MAP2K3: variants seen among roughly 807,000 people sequenced by gnomAD.
The protein encoded by MAP2K3 is dual specificity mitogen-activated protein kinase kinase 3.
Under a neutral mutation model 46.4 loss-of-function variants are expected in MAP2K3, and 30 were observed. That is an observed-to-expected ratio of 0.65 (90% CI 0.48 to 0.88). The LOEUF (loss-of-function observed/expected upper bound fraction) is 0.88. Ranked by LOEUF, MAP2K3 falls within the 40% of genes least tolerant of loss-of-function variation. The pLI, the probability that MAP2K3 is intolerant of heterozygous loss-of-function variation, is 0.00. For synonymous variants in MAP2K3, 189 were observed against 176.3 expected, an observed-to-expected ratio of 1.07 and a Z score of -0.57; for missense variants, 380 against 464.5, an observed-to-expected ratio of 0.82 and a Z score of 1.67.
chr17:21,309,945 G>T (rs1977084778), intron 9 of MAP2K3, among the ~76,000 whole-genome samples: 2 of 151,402 alleles, frequency 1.3e-5, no homozygotes, highest in Admixed American at 1.3e-4. Context: ...AAAAAATTTT[G>T]TAGCATTACA....
chr17:21,291,346 T>TACAATACAACACAAC, intron 1 of MAP2K3: 2 of 341,892 alleles, frequency 5.8e-6, no homozygotes, highest in Admixed American at 6.9e-5. Flanking sequence ...TACAATACAA[T>TACAATACAACACAAC]ACAACACAAC....
intron 1 of MAP2K3, chr17:21,291,336 T>TACAACACAACACAAC (rs1184530488): frequency 1.3e-4 from 7 of 53,742 alleles, no homozygotes; most frequent in African/African-American, 7.8e-4. Flanking sequence ...TAGAATACAG[T>TACAACACAACACAAC]ACAATACAAT....
At chr17:21,293,330 C>T (rs927133016) in intron 1 of MAP2K3, among the ~76,000 whole-genome samples, 31 of 152,374 alleles carry the variant, frequency 2.0e-4, no homozygotes, top group African/African-American at 6.7e-4. Context: ...CCCTCTCCAG[C>T]GAGGCCCGTG....
At chr17:21,303,851 GTCACT>G (rs1976739584) in intron 7 of MAP2K3, among the ~76,000 whole-genome samples, 1 of 152,312 alleles carries the variant, frequency 6.6e-6, no homozygotes, top group East Asian at 1.9e-4. Context: ...AGCCCCCCAG[GTCACT>G]GTGGTTGGCG....
chr17:21,299,672 A>T (rs1976478272), intron 3 of MAP2K3, among the ~76,000 whole-genome samples: 1 of 122,784 alleles, frequency 8.1e-6, no homozygotes, highest in Non-Finnish European at 1.7e-5. Flanking sequence ...ACGGAGTGAG[A>T]CCCCGTTTCA....
intron 5 of MAP2K3, among the ~76,000 whole-genome samples, chr17:21,301,496 G>A (rs994722983): frequency 1.3e-5 from 2 of 152,308 alleles, no homozygotes; most frequent in Admixed American, 6.5e-5. Context: ...GAGCCTAGGC[G>A]ATGCTGGGCT....
At chr17:21,298,542 G>A in intron 2 of MAP2K3, 63 bp downstream of exon 2, 3 of 1,613,526 alleles carry the variant, frequency 1.9e-6, no homozygotes, top group South Asian at 1.1e-5. Context: ...GGGCTCAATG[G>A]AAGGAGTGAG....
intron 8 of MAP2K3, 54 bp downstream of exon 8, chr17:21,304,607 C>T (rs927393382): frequency 1.3e-5 from 21 of 1,610,332 alleles, no homozygotes; most frequent in Admixed American, 3.4e-5. Flanking sequence ...GGGGAGAAAT[C>T]TGCCCAGGCT....
chr17:21,297,220 G>A (rs888652788), intron 1 of MAP2K3, among the ~76,000 whole-genome samples: 6 of 152,300 alleles, frequency 3.9e-5, no homozygotes, highest in Non-Finnish European at 8.8e-5. Context: ...GTGTTGCACC[G>A]TGGCCAAGGC....
intron 5 of MAP2K3, 135 bp from the exon 6 acceptor site, chr17:21,302,008 G>T: frequency 2.3e-6 from 2 of 855,126 alleles, no homozygotes; most frequent in Admixed American, 2.0e-5. Context: ...GTGGGAGCCC[G>T]GTGAACTGTG....
At chr17:21,299,110 G>T (rs1225311847) in intron 3 of MAP2K3, among the ~76,000 whole-genome samples, 184 bp downstream of exon 3, 7 of 152,304 alleles carry the variant, frequency 4.6e-5, no homozygotes, top group Non-Finnish European at 1.0e-4. Context: ...TGACCCTCCT[G>T]GTGGGAATGA....
At chr17:21,298,772 G>C in intron 2 of MAP2K3, 106 bp from the exon 3 acceptor site, 1 of 1,547,000 alleles carries the variant, frequency 6.5e-7, no homozygotes, top group Non-Finnish European at 8.9e-7. Context: ...CTCCGGGGCA[G>C]GAGGCACCTC....
At chr17:21,295,754 C>A (rs1217404451) in intron 1 of MAP2K3, 1 of 1,289,086 alleles carries the variant, frequency 7.8e-7, no homozygotes, top group Non-Finnish European at 1.0e-6. Context: ...CCCATATGTG[C>A]AAGTGCCCTT....
chr17:21,310,331 C>T (rs933185216), intron 9 of MAP2K3, among the ~76,000 whole-genome samples: 3 of 152,182 alleles, frequency 2.0e-5, no homozygotes, highest in African/African-American at 7.2e-5. Flanking sequence ...TTATAATAGA[C>T]TCCTGTATGT....
chr17:21,303,025 C>T (rs549790735), intron 6 of MAP2K3, among the ~76,000 whole-genome samples, 158 bp from the exon 7 acceptor site: 2 of 152,428 alleles, frequency 1.3e-5, no homozygotes, highest in African/African-American at 2.4e-5. Flanking sequence ...GGGGCAAATG[C>T]CAGGACAGGG....
chr17:21,301,427 T>C (rs1360753991), intron 5 of MAP2K3, among the ~76,000 whole-genome samples: 2 of 152,306 alleles, frequency 1.3e-5, no homozygotes, highest in African/African-American at 2.4e-5. Flanking sequence ...TGACTGAGGC[T>C]GGAAGAGTGG....
intron 3 of MAP2K3, 139 bp downstream of exon 3, chr17:21,299,065 G>T: frequency 7.8e-7 from 1 of 1,273,934 alleles, no homozygotes; most frequent in Non-Finnish European, 1.1e-6. Flanking sequence ...CTCGTCCTGC[G>T]CTGCTGGCTG....
intron 3 of MAP2K3, 81 bp from the exon 4 acceptor site, chr17:21,300,464 T>G: frequency 2.1e-6 from 3 of 1,424,616 alleles, no homozygotes; most frequent in South Asian, 1.2e-5. Context: ...CTCTTCATGC[T>G]GCCCAGGTAT....
chr17:21,302,014 C>A, intron 5 of MAP2K3, 129 bp from the exon 6 acceptor site: 1 of 896,684 alleles, frequency 1.1e-6, no homozygotes, highest in Non-Finnish European at 1.8e-6. Flanking sequence ...GCCCGGTGAA[C>A]TGTGGCTGAG....
Sources: gnomAD v4.1 joint callset for allele counts (sites outside exome capture counted in the v4.1 genomes callset) on GRCh38, gnomAD v4.1.1 for gene constraint, MANE v1.5 for transcripts, NCBI Gene and HGNC (gene_info 2026-07-23, HGNC 2026-07-21) for gene names.